Variants in PACS1 observed in about 807,000 individuals in gnomAD.
PACS1 encodes the protein PACS-1.
PACS1 carries 24 observed loss-of-function variants against 115.0 expected under a neutral mutation model. The observed-to-expected ratio is 0.21, with a 90% CI of 0.15 to 0.29. The LOEUF (loss-of-function observed/expected upper bound fraction) is 0.29. Among genes scored for constraint, PACS1 ranks in the 10% least tolerant of loss-of-function variants. The pLI is 1.00. For synonymous variants in PACS1, 453 were observed against 504.5 expected, an observed-to-expected ratio of 0.90 and a Z score of 1.37; for missense variants, 838 against 1,251.2, an observed-to-expected ratio of 0.67 and a Z score of 4.98.
chr11:66,218,597 C>T (rs531850396), intron 7 of PACS1: 2 of 152,440 alleles, frequency 1.3e-5, no homozygotes, highest in Admixed American at 6.5e-5. Context: ...TGCTGTGGCT[C>T]ACGCCTGTAA....
chr11:66,085,075 A>G (rs1319708169), intron 1 of PACS1, among the ~76,000 whole-genome samples: 2 of 152,228 alleles, frequency 1.3e-5, no homozygotes, highest in Admixed American at 6.5e-5. Context: ...AAAGAGGTAG[A>G]TTGCAGAAGC....
chr11:66,085,808 A>G (rs902924338), intron 1 of PACS1, among the ~76,000 whole-genome samples: 2 of 152,250 alleles, frequency 1.3e-5, no homozygotes, highest in African/African-American at 4.8e-5. Context: ...ACATTATGGT[A>G]ATAAAATATG....
chr11:66,231,994 TTCTC>T, intron 13 of PACS1, 174 bp from the exon 14 acceptor site: 1 of 571,640 alleles, frequency 1.7e-6, no homozygotes, highest in Non-Finnish European at 3.1e-6. Context: ...TGCTGCTTCT[TTCTC>T]CTCCTTTCCA....
chr11:66,144,372 A>G (rs537944529), intron 1 of PACS1, among the ~76,000 whole-genome samples: 66 of 152,360 alleles, frequency 4.3e-4, no homozygotes, highest in South Asian at 1.9e-3. Context: ...TTTAGAGAAG[A>G]GGAAAACAAA....
intron 4 of PACS1, among the ~76,000 whole-genome samples, chr11:66,214,585 G>A (rs1282149697): frequency 1.5e-4 from 14 of 95,728 alleles, no homozygotes; most frequent in South Asian, 3.9e-4. Context: ...TCTCTCTCTC[G>A]CTCCCATTCT....
At chr11:66,189,730 C>G (rs1036561488) in intron 1 of PACS1, among the ~76,000 whole-genome samples, 1 of 152,190 alleles carries the variant, frequency 6.6e-6, no homozygotes, top group African/African-American at 2.4e-5. Context: ...GTTTATTCAG[C>G]AGCCACAAAT....
intron 1 of PACS1, among the ~76,000 whole-genome samples, chr11:66,072,138 G>A (rs1162141666): frequency 2.0e-5 from 3 of 152,056 alleles, no homozygotes; most frequent in African/African-American, 7.2e-5. Context: ...TGTGTACATG[G>A]TGTCATCCTG....
chr11:66,101,639 G>A (rs539154596), intron 1 of PACS1, among the ~76,000 whole-genome samples: 9 of 152,286 alleles, frequency 5.9e-5, no homozygotes, highest in African/African-American at 1.9e-4. Context: ...ATGTGTCATC[G>A]AAGTGGGTGG....
intron 1 of PACS1, among the ~76,000 whole-genome samples, chr11:66,077,891 G>A (rs1012394806): frequency 6.6e-6 from 1 of 151,818 alleles, no homozygotes; most frequent in African/African-American, 2.4e-5. Context: ...TAGTAGAGAC[G>A]GGGTTTCACC....
intron 4 of PACS1, among the ~76,000 whole-genome samples, chr11:66,213,519 T>A (rs1328621559): frequency 1.3e-5 from 2 of 152,202 alleles, no homozygotes; most frequent in Admixed American, 6.5e-5. Context: ...AGTGCCCATG[T>A]CCCCAACTGG....
rs769140907 is a variant in PACS1 at position 66,221,192 on chromosome 11, C to T, written c.1238C>T (p.Thr413Met). The change falls in exon 10 of 24, where the codon ACG becomes ATG. Residue 413 changes from threonine (T) to methionine (M), a missense_variant. Thr to Met is a moderately conservative substitution (Grantham distance 81, BLOSUM62 -1). This residue lies in a region of PACS1 where 383 missense variants were observed against 537.0 expected (regional missense o/e 0.71). Transcript: ENST00000320580. ...FEGMSQSSSQTEIGSLNSKGS... is the reference protein window; with the variant it reads ...FEGMSQSSSQMEIGSLNSKGS... ...GGGATGTCGCAGTCCAGCTCCCAGA[C>T]GGAGATTGGCAGCCTCAACAGCAAA... is the stretch of plus-strand genomic sequence containing the variant. 3.3e-5 allele frequency: 54 copies of T among 1,614,074 alleles called. No homozygotes were observed. Among genetic ancestry groups the T allele is most frequent in the Non-Finnish European group, 4.1e-5 (48 of 1,180,040 alleles).
In PACS1 at chr11:66,117,069, T is replaced by C. The variant is rs1002813298; in HGVS notation, c.356+46227T>C. On this transcript the variant is annotated intron_variant, in intron 1 of 23. Transcript: ENST00000320580. ...GTACTGTGGCTTTATTATTATAAAT[T>C]GTTTCCTTTTAAAAACGATGTGTAT... is the stretch of plus-strand genomic sequence containing the variant. Among the ~76,000 whole-genome samples the C allele has an allele frequency of 2.0e-4, 30 of 152,050 alleles. 1 individual carries two copies. Among genetic ancestry groups the C allele is most frequent in the African/African-American group, 7.0e-4 (29 of 41,320 alleles).
At chr11:66,121,256 G>A (rs1446804897) in intron 1 of PACS1, among the ~76,000 whole-genome samples, 4 of 152,148 alleles carry the variant, frequency 2.6e-5, no homozygotes, top group East Asian at 3.8e-4. Flanking sequence ...GACGTTAGAC[G>A]TAATTGATAA....
intron 1 of PACS1, among the ~76,000 whole-genome samples, chr11:66,142,109 C>T (rs1287836627): frequency 6.6e-6 from 1 of 151,934 alleles, no homozygotes; most frequent in Non-Finnish European, 1.5e-5. Context: ...CGCTCCCGGC[C>T]AGAGATGCAG....
At position 66,243,495 on chromosome 11, in the gene PACS1, T is replaced by TC. The variant is rs1334936827; in HGVS notation, c.*219dup. The stretch of plus-strand genomic sequence containing the variant: ...CACAGCCCCTCCTCCTTCCCGCTTT[T>TC]CCCCTTCTCCCTCCTGCTCCAGGCC... On this transcript the variant is annotated 3_prime_UTR_variant, in exon 24 of 24. Transcript: ENST00000320580. The TC allele has an allele frequency of 3.5e-6, 2 of 576,960 alleles. No individual in the cohort carries two copies. Among genetic ancestry groups the TC allele is most frequent in the Non-Finnish European group, 3.1e-6 (1 of 321,798 alleles). 35.7% of individuals were successfully genotyped at this position (576,960 alleles called of 1,614,324 possible).
At chr11:66,087,984 A>G (rs1461601154) in intron 1 of PACS1, among the ~76,000 whole-genome samples, 3 of 152,054 alleles carry the variant, frequency 2.0e-5, no homozygotes, top group East Asian at 3.9e-4. Flanking sequence ...CATTTCCCCA[A>G]TGATGTTGAG....
In PACS1 at chr11:66,131,052, C is replaced by T. The variant is rs143614520; in HGVS notation, c.356+60210C>T. 4.6e-3 allele frequency among the ~76,000 whole-genome samples: 701 copies of T among 151,944 alleles called. 8 individuals are homozygous for T. Among genetic ancestry groups the T allele is most frequent in the African/African-American group, 0.014 (578 of 41,420 alleles). ...TGCCACCACTGCACTCCAGCCTGGG[C>T]AACAGAGTGAGACTGTCTCAAAAAA... On this transcript the variant is annotated intron_variant, in intron 1 of 23. Coordinates refer to ENST00000320580, the MANE Select transcript of PACS1 (RefSeq NM_018026.4).
At chr11:66,082,715 G>T (rs1342575030) in intron 1 of PACS1, among the ~76,000 whole-genome samples, 2 of 152,094 alleles carry the variant, frequency 1.3e-5, no homozygotes, top group Non-Finnish European at 2.9e-5. Flanking sequence ...AATTAGCCGG[G>T]CGTGTGGCGG....
chr11:66,175,122 G>A (rs1380331242), intron 1 of PACS1, among the ~76,000 whole-genome samples: 1 of 151,730 alleles, frequency 6.6e-6, no homozygotes, highest in Admixed American at 6.6e-5. Context: ...TTGTATTGGT[G>A]CAACTGGTCT....
Sources: allele counts gnomAD v4.1 joint callset (sites outside exome capture counted in the v4.1 genomes callset), GRCh38; gene constraint gnomAD v4.1.1; regional missense constraint gnomAD v4.1.1; transcripts MANE v1.5; gene names NCBI Gene and HGNC (gene_info 2026-07-23, HGNC 2026-07-21).